The following GLIS3 variants were observed in gnomAD, a reference collection of about 807,000 sequenced individuals.
The protein encoded by GLIS3 is zinc finger protein GLIS3.
In GLIS3, 53 loss-of-function variants were observed where a neutral mutation model predicts 78.6. The ratio of observed to expected loss-of-function variants is 0.67; its 90% confidence interval spans 0.54 to 0.85. GLIS3 has a LOEUF of 0.85. GLIS3 is among the 40% of genes least tolerant of loss of function. The pLI is 0.00. For synonymous variants in GLIS3, 684 were observed against 509.9 expected (o/e 1.34, Z -4.60); for missense variants, 1,703 against 1,231.1 (o/e 1.38, Z -5.74).
At chr9:4,388,540 G>A in the GLIS3 span, among the ~76,000 whole-genome samples, 1 of 152,216 alleles carries the variant, frequency 6.6e-6, no homozygotes, top group Non-Finnish European at 1.5e-5. Flanking sequence ...GCCAGGCGTG[G>A]TGGCGTGTGC....
At chr9:4,485,251 G>A in the GLIS3 span, among the ~76,000 whole-genome samples, 4 of 152,102 alleles carry the variant, frequency 2.6e-5, no homozygotes, top group African/African-American at 9.7e-5. Context: ...CTGACCTCAA[G>A]TAATCCATCC....
chr9:3,845,928 T>G (rs1296659167), intron 9 of GLIS3, among the ~76,000 whole-genome samples: 1 of 152,222 alleles, frequency 6.6e-6, no homozygotes. Context: ...TTTCAAGATT[T>G]AAAACTTCTG....
intron 2 of GLIS3, among the ~76,000 whole-genome samples, chr9:4,177,499 G>C (rs1366135123): frequency 1.3e-5 from 2 of 152,186 alleles, no homozygotes; most frequent in African/African-American, 2.4e-5. Flanking sequence ...TGCTGGAGCT[G>C]AAGCAAGATA....
At chr9:4,400,216 C>T in the GLIS3 span, among the ~76,000 whole-genome samples, 1 of 152,112 alleles carries the variant, frequency 6.6e-6, no homozygotes, top group African/African-American at 2.4e-5. Context: ...GATCACTCTT[C>T]TGTGTGATGA....
chr9:4,055,995 G>T (rs1160615077), intron 4 of GLIS3, among the ~76,000 whole-genome samples: 1 of 152,216 alleles, frequency 6.6e-6, no homozygotes, highest in Non-Finnish European at 1.5e-5. Flanking sequence ...ATGATGGGGA[G>T]AATGGTGAAG....
the GLIS3 span, among the ~76,000 whole-genome samples, chr9:4,467,683 A>G: frequency 6.6e-6 from 1 of 152,208 alleles, no homozygotes; most frequent in Admixed American, 6.5e-5. Flanking sequence ...ATGGGGAGAA[A>G]CCAAAACAGA....
intron 2 of GLIS3, among the ~76,000 whole-genome samples, chr9:4,248,341 G>A (rs974756397): frequency 6.6e-6 from 1 of 151,906 alleles, no homozygotes; most frequent in South Asian, 2.1e-4. Context: ...ATGTGGTATT[G>A]GGTTTTCTTT....
chr9:4,355,137 AAAAAAGAAAAAG>A, the GLIS3 span, among the ~76,000 whole-genome samples: 1 of 146,926 alleles, frequency 6.8e-6, no homozygotes, highest in Admixed American at 6.6e-5. Flanking sequence ...ATCTCGAAAA[AAAAAAGAAAAAG>A]AAAAAGAAAA....
At chr9:4,258,715 T>C (rs1392348581) in intron 2 of GLIS3, among the ~76,000 whole-genome samples, 1 of 152,196 alleles carries the variant, frequency 6.6e-6, no homozygotes, top group African/African-American at 2.4e-5. Context: ...GGGGTGATCT[T>C]ATGTTCTCAT....
At position 3,879,342 on chromosome 9, in the gene GLIS3, A is replaced by G. The variant is rs950743017; in HGVS notation, c.2297+85T>C. 52 of 1,338,490 alleles carry G rather than the reference A, an allele frequency of 3.9e-5. No homozygotes were observed. In the African/African-American group the frequency reaches 5.5e-4, roughly 14 times the overall value. The allele number at this position is 1,338,490 out of a possible 1,614,324, so 82.9% of individuals were successfully genotyped here. On this transcript the variant is annotated intron_variant, in intron 8 of 10. Transcript: ENST00000381971. ...CTCAACCCACCAACGGATTATTAATAAAATTCAGCAACTGTCAAGGCACTT... is the reference window on the plus strand; with the variant it reads ...CTCAACCCACCAACGGATTATTAATGAAATTCAGCAACTGTCAAGGCACTT...
chr9:4,374,908 T>C, the GLIS3 span, among the ~76,000 whole-genome samples: 1 of 152,238 alleles, frequency 6.6e-6, no homozygotes, highest in Non-Finnish European at 1.5e-5. Context: ...TGACAACTCA[T>C]CTCGAGCATT....
intron 2 of GLIS3, among the ~76,000 whole-genome samples, chr9:4,244,114 A>G (rs1823580378): frequency 6.6e-6 from 1 of 152,208 alleles, no homozygotes; most frequent in South Asian, 2.1e-4. Flanking sequence ...CAAGCCTTCC[A>G]TAAATCCTTC....
At chr9:4,188,204 G>A (rs1251715840) in intron 2 of GLIS3, among the ~76,000 whole-genome samples, 1 of 151,666 alleles carries the variant, frequency 6.6e-6, no homozygotes, top group East Asian at 1.9e-4. Context: ...GTTTTAGCAT[G>A]AAGGGTTGTT....
chr9:4,385,459 T>G, the GLIS3 span, among the ~76,000 whole-genome samples: 1 of 150,586 alleles, frequency 6.6e-6, no homozygotes, highest in Non-Finnish European at 1.5e-5. Flanking sequence ...AGGTCAGGAG[T>G]CCGAGACCAG....
chr9:4,449,744 C>A, the GLIS3 span, among the ~76,000 whole-genome samples: 2 of 152,142 alleles, frequency 1.3e-5, 1 homozygote, highest in Non-Finnish European at 2.9e-5. Context: ...AGACCTGCAG[C>A]TGAGGGACCT....
chr9:3,891,091 G>A (rs369954676), intron 7 of GLIS3, among the ~76,000 whole-genome samples: 19,259 of 138,048 alleles, frequency 0.14, 1,538 homozygotes, highest in Non-Finnish European at 0.18. Flanking sequence ...AGAAGAAGAA[G>A]AAAGTAGGAG....
intron 2 of GLIS3, among the ~76,000 whole-genome samples, chr9:4,210,750 C>G (rs1820303751): frequency 2.0e-5 from 3 of 152,250 alleles, no homozygotes; most frequent in Admixed American, 2.0e-4. Flanking sequence ...TGGCTGTACG[C>G]TTCGATGCAG....
At chr9:4,459,369 G>A in the GLIS3 span, among the ~76,000 whole-genome samples, 24 of 152,348 alleles carry the variant, frequency 1.6e-4, no homozygotes, top group Admixed American at 1.4e-3. Context: ...AATCTTTAGG[G>A]ATTGGGAATC....
chr9:4,221,123 A>G (rs1240271978), intron 2 of GLIS3, among the ~76,000 whole-genome samples: 1 of 152,212 alleles, frequency 6.6e-6, no homozygotes, highest in African/African-American at 2.4e-5. Flanking sequence ...TGTAAGACAA[A>G]ATGCCTACAA....
Sources: allele counts gnomAD v4.1 joint callset (sites outside exome capture counted in the v4.1 genomes callset), GRCh38; gene constraint gnomAD v4.1.1; transcripts MANE v1.5; gene names NCBI Gene and HGNC (gene_info 2026-07-23, HGNC 2026-07-21).